The following ANKFN1 variants were observed in gnomAD, a reference collection of about 807,000 sequenced individuals.
ANKFN1 encodes ankyrin repeat and fibronectin type III domain containing 1, also known as ankyrin repeat and fibronectin type-III domain-containing protein 1.
Under a neutral mutation model 108.7 loss-of-function variants are expected in ANKFN1, and 74 were observed. That is an observed-to-expected ratio of 0.68 (90% CI 0.56 to 0.83). The LOEUF (loss-of-function observed/expected upper bound fraction) is 0.83, where lower values mean the gene tolerates loss of function less well. Among genes scored for constraint, ANKFN1 ranks in the 40% least tolerant of loss-of-function variants. The pLI is 0.00. For missense variants in ANKFN1, 1,505 were observed against 1,382.3 expected (o/e 1.09, Z -1.41); for synonymous variants, 547 against 516.2 (o/e 1.06, Z -0.81).
chr17:56,423,317 A>G (rs1383682432), intron 8 of ANKFN1, among the ~76,000 whole-genome samples: 1 of 152,122 alleles, frequency 6.6e-6, no homozygotes, highest in Non-Finnish European at 1.5e-5. Context: ...GGCAATTCCT[A>G]CTCCTACTAG....
chr17:56,145,909 G>A (rs563356766), intron 4 of ANKFN1, among the ~76,000 whole-genome samples: 3 of 152,148 alleles, frequency 2.0e-5, no homozygotes, highest in Admixed American at 2.0e-4. Context: ...TAACTCAAAA[G>A]TTCACAGTCC....
At position 56,310,624 on chromosome 17, in the gene ANKFN1, A is replaced by G. The variant is rs573390260; in HGVS notation, c.54-15597A>G. Reference sequence around the variant, plus strand: ...AGAGTGAGACTCCATCTCAAAAAAAAAAAAGAAAAAAAGAAAATTACAAAT... The same window carrying G: ...AGAGTGAGACTCCATCTCAAAAAAAGAAAAGAAAAAAAGAAAATTACAAAT... On this transcript the variant is annotated intron_variant, in intron 3 of 20. Transcript: ENST00000682825. 2.6e-5 allele frequency among the ~76,000 whole-genome samples: 4 copies of G among 152,056 alleles called. No homozygotes were observed. In the East Asian group the frequency reaches 7.7e-4, roughly 29 times the overall value.
intron 16 of ANKFN1, 104 bp downstream of exon 16, chr17:56,477,758 T>G: frequency 7.6e-7 from 1 of 1,313,164 alleles, no homozygotes; most frequent in Non-Finnish European, 1.1e-6. Flanking sequence ...AGGGCAGTTT[T>G]TATGGTGAGG....
chr17:56,479,922 C>T (rs777170072), intron 16 of ANKFN1, among the ~76,000 whole-genome samples: 1 of 152,230 alleles, frequency 6.6e-6, no homozygotes, highest in Non-Finnish European at 1.5e-5. Context: ...GCCCAAGAGG[C>T]ATTTACCTTG....
intron 3 of ANKFN1, among the ~76,000 whole-genome samples, chr17:56,286,646 G>A (rs935044445): frequency 2.6e-5 from 4 of 152,174 alleles, no homozygotes; most frequent in African/African-American, 4.8e-5. Context: ...GGTGGAGTCT[G>A]TATCCTTTAT....
intron 3 of ANKFN1, among the ~76,000 whole-genome samples, chr17:56,290,860 A>G (rs1285518332): frequency 6.6e-6 from 1 of 151,886 alleles, no homozygotes. Context: ...GTCTGATCTC[A>G]TTTCCTCCCC....
At chr17:56,307,764 A>G (rs2044876408) in intron 3 of ANKFN1, among the ~76,000 whole-genome samples, 2 of 152,200 alleles carry the variant, frequency 1.3e-5, no homozygotes, top group South Asian at 4.1e-4. Flanking sequence ...TGCTACTATA[A>G]AGACACATGC....
intron 6 of ANKFN1, among the ~76,000 whole-genome samples, chr17:56,357,562 C>G (rs765513674): frequency 4.6e-5 from 7 of 152,216 alleles, no homozygotes; most frequent in Admixed American, 1.3e-4. Context: ...TTTCTTTGTT[C>G]TGTTCTGCGC....
intron 4 of ANKFN1, among the ~76,000 whole-genome samples, chr17:56,333,047 G>A (rs1211766307): frequency 6.6e-6 from 1 of 150,802 alleles, no homozygotes; most frequent in Admixed American, 6.6e-5. Context: ...CAGCATCCAG[G>A]CTTTTCATAA....
intron 3 of ANKFN1, among the ~76,000 whole-genome samples, chr17:56,248,855 G>A (rs1240531746): frequency 6.6e-6 from 1 of 152,166 alleles, no homozygotes; most frequent in African/African-American, 2.4e-5. Flanking sequence ...GGAAACATGA[G>A]TAAGAGAGTA....
chr17:56,112,190 T>C (rs1906005021), intron 4 of ANKFN1, among the ~76,000 whole-genome samples: 1 of 152,038 alleles, frequency 6.6e-6, no homozygotes, highest in Non-Finnish European at 1.5e-5. Flanking sequence ...CCAGGAAGAG[T>C]TATGCATTGT....
At chr17:56,129,355 C>T (rs562644302) in intron 4 of ANKFN1, among the ~76,000 whole-genome samples, 1 of 152,234 alleles carries the variant, frequency 6.6e-6, no homozygotes, top group South Asian at 2.1e-4. Context: ...ATGATATACT[C>T]ACTGGTACTC....
intron 8 of ANKFN1, among the ~76,000 whole-genome samples, chr17:56,385,045 C>T (rs2047219954): frequency 6.6e-6 from 1 of 151,626 alleles, no homozygotes; most frequent in South Asian, 2.1e-4. Flanking sequence ...AAGCTGGAGG[C>T]ATCACGCTAC....
At chr17:56,147,104 A>G (rs1908306928) in intron 4 of ANKFN1, among the ~76,000 whole-genome samples, 1 of 152,146 alleles carries the variant, frequency 6.6e-6, no homozygotes, top group South Asian at 2.1e-4. Flanking sequence ...TCATTTCCCA[A>G]CAAGTTCCTC....
chr17:56,297,187 C>T (rs1057251993), intron 3 of ANKFN1, among the ~76,000 whole-genome samples: 1 of 152,190 alleles, frequency 6.6e-6, no homozygotes, highest in East Asian at 1.9e-4. Context: ...GCCTCTGAAG[C>T]TCTGTGGTGG....
intron 8 of ANKFN1, among the ~76,000 whole-genome samples, chr17:56,436,870 T>G (rs944379942): frequency 6.7e-6 from 1 of 150,276 alleles, no homozygotes; most frequent in African/African-American, 2.4e-5. Flanking sequence ...TCCCAGTCAC[T>G]CTCAAAGTGA....
chr17:56,188,579 G>GTATATATATATATATATATATATA (rs1220822008), intron 1 of ANKFN1, among the ~76,000 whole-genome samples: 2 of 71,428 alleles, frequency 2.8e-5, no homozygotes, highest in African/African-American at 1.5e-4. Flanking sequence ...GTGTGTGTGT[G>GTATATATATATATATATATATATA]TGTATATATA....
In ANKFN1 at chr17:56,477,590, G is replaced by C. The variant is rs2050548653; in HGVS notation, c.1876G>C (p.Val626Leu). 6 of 1,612,156 alleles carry C rather than the reference G, an allele frequency of 3.7e-6. No homozygotes were observed. The highest frequency in any genetic ancestry group is 1.7e-5 in the Admixed American group (1 of 59,810). The change falls in exon 16 of 21, where the codon GTT becomes CTT. Residue 626 changes from valine (V) to leucine (L), a missense_variant. Physicochemically the swap from Val to Leu is conservative, Grantham distance 32. Coordinates refer to ENST00000682825, the MANE Select transcript of ANKFN1 (RefSeq NM_001370326.1). The stretch of plus-strand genomic sequence containing the variant: ...CTCTGTGGATCAAATCAAAGTTCTT[G>C]TTACCCAAAAGTTGCCCAACATTCT... Reference protein sequence around the residue: ...CSSVDQIKVLVTQKLPNILCH... With the variant: ...CSSVDQIKVLLTQKLPNILCH...
intron 4 of ANKFN1, among the ~76,000 whole-genome samples, chr17:56,096,058 A>G (rs1170692486): frequency 1.3e-5 from 2 of 152,188 alleles, no homozygotes; most frequent in Non-Finnish European, 2.9e-5. Flanking sequence ...GGCCATAATA[A>G]TAGTTTACTT....
Sources: allele counts gnomAD v4.1 joint callset (sites outside exome capture counted in the v4.1 genomes callset), GRCh38; gene constraint gnomAD v4.1.1; transcripts MANE v1.5; gene names NCBI Gene and HGNC (gene_info 2026-07-23, HGNC 2026-07-21).